Variants in ABCA7 observed in about 807,000 individuals in gnomAD.
ABCA7 encodes ATP binding cassette subfamily A member 7, also known as phospholipid-transporting ATPase ABCA7.
Under a neutral mutation model 227.6 loss-of-function variants are expected in ABCA7, and 261 were observed. The ratio of observed to expected loss-of-function variants is 1.15; its 90% CI spans 1.04 to 1.27. The LOEUF (loss-of-function observed/expected upper bound fraction) is 1.27. Ranked by LOEUF, ABCA7 falls within the 50% of genes most tolerant of loss-of-function variation. ABCA7 has a pLI of 0.00. For synonymous variants in ABCA7, 1,488 were observed against 1,279.7 expected (o/e 1.16, Z -3.47); for missense variants, 3,331 against 2,924.5 (o/e 1.14, Z -3.21).
In ABCA7 at chr19:1,047,174, C is replaced by A; in HGVS notation, c.1863C>A (p.Pro621=). Residue 621 remains proline (P), a synonymous_variant, in exon 15 of 47, where the codon CCC becomes CCA. Coordinates refer to ENST00000263094, the MANE Select transcript of ABCA7 (RefSeq NM_019112.4). ...TCTCACAGCTGGGAGACATCCTCCCCTACAGCCACCCGGGCGTGGTCTTCC... is the reference window on the plus strand; with the variant it reads ...TCTCACAGCTGGGAGACATCCTCCCATACAGCCACCCGGGCGTGGTCTTCC... ...VLVLKLGDIL[P]YSHPGVVFLF... The A allele has an allele frequency of 6.2e-7, 1 of 1,604,344 alleles. No individual in the cohort carries two copies. The highest frequency in any genetic ancestry group is 8.5e-7 in the Non-Finnish European group (1 of 1,177,398).
intron 3 of ABCA7, 99 bp from the exon 4 acceptor site, chr19:1,041,732 C>T (rs2040055708): frequency 1.3e-6 from 2 of 1,580,328 alleles, no homozygotes; most frequent in African/African-American, 1.3e-5. Context: ...TGGGAGTGAG[C>T]TCTCCATCGC....
chr19:1,057,532 T>C (rs2042359261), intron 35 of ABCA7, 103 bp downstream of exon 35: 1 of 1,187,604 alleles, frequency 8.4e-7, no homozygotes, highest in Non-Finnish European at 1.2e-6. Flanking sequence ...AAGGAGAGGA[T>C]ATGGAGGTCT....
At position 1,046,308 on chromosome 19, in the gene ABCA7, C is replaced by T; in HGVS notation, c.1524C>T (p.Asp508=). 1.2e-6 allele frequency: 2 copies of T among 1,605,266 alleles called. No homozygotes were observed. Among genetic ancestry groups the T allele is most frequent in the Non-Finnish European group, 1.7e-6 (2 of 1,179,676 alleles). Residue 508 remains aspartate (D), a synonymous_variant, in exon 13 of 47, where the codon GAC becomes GAT. Transcript: ENST00000263094. ...YVWGGFVYLQ[D]LVERAAVRVL... Reference sequence around the variant, plus strand: ...GGGGCGGCTTCGTGTACCTGCAAGACCTGGTGGAGCGTGCAGCCGTCCGCG... The same window carrying T: ...GGGGCGGCTTCGTGTACCTGCAAGATCTGGTGGAGCGTGCAGCCGTCCGCG...
At chr19:1,050,486 C>T (rs2041468239) in intron 18 of ABCA7, among the ~76,000 whole-genome samples, 1 of 146,444 alleles carries the variant, frequency 6.8e-6, no homozygotes, top group Non-Finnish European at 1.5e-5. Flanking sequence ...AATAGGTGCT[C>T]TGTGGCCAGG....
Position 1,042,072 on chromosome 19 carries a change from G to C in ABCA7, c.311G>C (p.Arg104Pro), listed in dbSNP as rs201963646. Residue 104 changes from arginine to proline, a missense_variant, in exon 5 of 47, where the codon CGG becomes CCG. By Grantham distance (103) the Arg-to-Pro change is moderately radical (BLOSUM62 -2). Coordinates refer to ENST00000263094, the MANE Select transcript of ABCA7 (RefSeq NM_019112.4). ...LSNFNDSLVS[R>P]LLADARTVLG... ...CCTCTCTCTGTCCCCAGGGTCTCCC[G>C]GCTGCTAGCCGATGCCCGCACTGTG... is the stretch of plus-strand genomic sequence containing the variant. 8.8e-6 allele frequency: 14 copies of C among 1,593,416 alleles called. No individual in the cohort carries two copies. The South Asian group carries it at 1.6e-4, about 18-fold the overall frequency.
chr19:1,058,359 GC>G (rs756433146), intron 37 of ABCA7, 90 bp downstream of exon 37: 2 of 1,531,804 alleles, frequency 1.3e-6, no homozygotes, highest in African/African-American at 1.4e-5. Flanking sequence ...GAGAAAAACA[GC>G]CCCCCAGGGA....
At position 1,056,254 on chromosome 19, in the gene ABCA7, G is replaced by A; in HGVS notation, c.4416+11G>A. The A allele has an allele frequency of 1.3e-6, 2 of 1,590,268 alleles. No individual in the cohort carries two copies. The highest frequency in any genetic ancestry group is 1.7e-6 in the Non-Finnish European group (2 of 1,166,754). On this transcript the variant is annotated intron_variant, in intron 32 of 46. Coordinates refer to ENST00000263094, the MANE Select transcript of ABCA7 (RefSeq NM_019112.4). The surrounding 1 kb of genome is among the most constrained non-coding windows in gnomAD (Gnocchi z 4.3). ...CAGGACAGTCTCAAGGTGGGAACTG[G>A]GGGGGCAGGTGGGCGTCCTGTCACA...
At chr19:1,045,253 G>A (rs766366041) in intron 12 of ABCA7, 22 bp downstream of exon 12, 1 of 1,573,576 alleles carries the variant, frequency 6.4e-7, no homozygotes, top group Non-Finnish European at 8.7e-7. Flanking sequence ...GAGGGGGCGG[G>A]GGGATGAGGG....
Position 1,057,277 on chromosome 19 carries a change from T to C in ABCA7, c.4765-37T>C, listed in dbSNP as rs375969851. The stretch of plus-strand genomic sequence containing the variant: ...GGCTGAGGGTGGCAGTGCCCACCTC[T>C]TTAGGCTGATAAAGGTAACTGCCAT... On this transcript the variant is annotated intron_variant, in intron 34 of 46. Coordinates refer to ENST00000263094, the MANE Select transcript of ABCA7 (RefSeq NM_019112.4). The C allele has an allele frequency of 2.5e-6, 4 of 1,610,046 alleles. No homozygotes were observed. In the African/African-American group the frequency reaches 4.0e-5, roughly 16 times the overall value.
In ABCA7 at chr19:1,065,081, C is replaced by A; in HGVS notation, c.6195C>A (p.Cys2065Ter). The A allele has an allele frequency of 6.4e-7, 1 of 1,570,076 alleles. No individual in the cohort carries two copies. Among genetic ancestry groups the A allele is most frequent in the Non-Finnish European group, 8.6e-7 (1 of 1,159,010 alleles). The change falls in exon 46 of 47, where the codon TGC (cysteine) becomes TGA (stop). Residue 2065 changes from cysteine (C) to a stop codon, truncating the protein, a stop_gained. Coordinates refer to ENST00000263094, the MANE Select transcript of ABCA7 (RefSeq NM_019112.4). LOFTEE classifies it high-confidence loss of function. ...LRFQLPPGGR[C>*]ALARVFGELA... ...TCCAGCTGCCGCCGGGAGGGCGCTG[C>A]GCCCTGGCGCGCGTCTTTGGAGAGC...
intron 24 of ABCA7, 104 bp downstream of exon 24, chr19:1,053,635 C>A: frequency 1.3e-6 from 2 of 1,513,546 alleles, no homozygotes; most frequent in South Asian, 1.2e-5. Context: ...CAAGGACATT[C>A]AGGGAGGAGG....
At chr19:1,053,568 G>T (rs1242805766) in intron 24 of ABCA7, 37 bp downstream of exon 24, 1 of 1,546,272 alleles carries the variant, frequency 6.5e-7, no homozygotes, top group Non-Finnish European at 8.7e-7. Context: ...GGGGCCAGGA[G>T]GAGGGCTTCC....
intron 45 of ABCA7, 26 bp from the exon 46 acceptor site, chr19:1,064,905 G>A: frequency 6.4e-7 from 1 of 1,551,660 alleles, no homozygotes; most frequent in Non-Finnish European, 8.7e-7. Context: ...GGCCCGATCC[G>A]GTAGCCCTGG....
At chr19:1,044,931 A>G in intron 11 of ABCA7, 71 bp from the exon 12 acceptor site, 1 of 1,560,834 alleles carries the variant, frequency 6.4e-7, no homozygotes, top group Non-Finnish European at 8.7e-7. Context: ...CCCGAGGTCC[A>G]GGGGGAGGAG....
At chr19:1,046,521 T>G (rs3764650) in intron 13 of ABCA7, 115 bp downstream of exon 13, 150,016 of 1,381,032 alleles carry the variant, frequency 0.11, 11,058 homozygotes, top group East Asian at 0.36. Context: ...ACTTTGCACC[T>G]TTACACCACT....
Position 1,054,392 on chromosome 19 carries a change from C to T in ABCA7, c.3726+51C>T, listed in dbSNP as rs2042058459. 1 of 1,559,620 alleles carries T rather than the reference C, an allele frequency of 6.4e-7. No homozygotes were observed. The highest frequency in any genetic ancestry group is 8.7e-7 in the Non-Finnish European group (1 of 1,155,966). On this transcript the variant is annotated intron_variant, in intron 27 of 46. Coordinates refer to ENST00000263094, the MANE Select transcript of ABCA7 (RefSeq NM_019112.4). This position sits in a 1 kb window ranked among gnomAD's most constrained non-coding sequence, Gnocchi z 4.8. ...CGCATGGGAGTCCCTGAGTTCCCTA[C>T]CCTGGCCGTCCACTCAGTGGCCTAA...
Position 1,046,980 on chromosome 19 carries a change from G to C in ABCA7, c.1801G>C (p.Gly601Arg), listed in dbSNP as rs745608162. ...GCTAGGCTGGTTCCTCAGCTGCCTCGGGCCCTTCCTGCTCAGCGCCGCACT... is the reference window on the plus strand; with the variant it reads ...GCTAGGCTGGTTCCTCAGCTGCCTCCGGCCCTTCCTGCTCAGCGCCGCACT... Reference protein sequence around the residue: ...LWLGWFLSCLGPFLLSAALLV... With the variant: ...LWLGWFLSCLRPFLLSAALLV... The change falls in exon 14 of 47, where the codon GGG becomes CGG. Residue 601 changes from glycine to arginine, a missense_variant. By Grantham distance (125) the Gly-to-Arg change is moderately radical (BLOSUM62 -2). Coordinates refer to ENST00000263094, the MANE Select transcript of ABCA7 (RefSeq NM_019112.4). 4 of 1,583,294 alleles carry C rather than the reference G, an allele frequency of 2.5e-6. No individual in the cohort carries two copies. The highest frequency in any genetic ancestry group is 2.3e-5 in the South Asian group (2 of 87,162).
At chr19:1,057,241 G>T (rs567375030) in intron 34 of ABCA7, 73 bp from the exon 35 acceptor site, 79 of 1,581,178 alleles carry the variant, frequency 5.0e-5, no homozygotes, top group Middle Eastern at 1.8e-4. Context: ...AGGAGGTCAG[G>T]GTGGGAACAG....
rs766642339 is a variant in ABCA7 at position 1,054,156 on chromosome 19, A to C, written c.3578-37A>C. On this transcript the variant is annotated intron_variant, in intron 26 of 46. Transcript: ENST00000263094. The surrounding 1 kb of genome is among the most constrained non-coding windows in gnomAD (Gnocchi z 4.8). ...CTGGGGTCCTCCCAGCCACCCCCCCACAGCAGCGTGAGCACTGACCCTCTC... is the reference window on the plus strand; with the variant it reads ...CTGGGGTCCTCCCAGCCACCCCCCCCCAGCAGCGTGAGCACTGACCCTCTC... 2 of 1,611,902 alleles carry C rather than the reference A, an allele frequency of 1.2e-6. No homozygotes were observed.
Sources: allele counts gnomAD v4.1 joint callset (sites outside exome capture counted in the v4.1 genomes callset), GRCh38; gene constraint gnomAD v4.1.1; non-coding constraint Gnocchi (gnomAD v3.1); transcripts MANE v1.5; gene names NCBI Gene and HGNC (gene_info 2026-07-23, HGNC 2026-07-21).